The following PLCB4 variants were observed in gnomAD, a reference collection of about 807,000 sequenced individuals.
PLCB4 encodes the protein phospholipase C beta 4.
Under a neutral mutation model 178.8 loss-of-function variants are expected in PLCB4, and 77 were observed. That is an observed-to-expected ratio of 0.43 (90% CI 0.36 to 0.52). The LOEUF (loss-of-function observed/expected upper bound fraction) is 0.52, where lower values mean the gene tolerates loss of function less well. PLCB4 is among the 20% of genes least tolerant of loss of function. The pLI is 0.00. For synonymous variants in PLCB4, 496 were observed against 490.8 expected, an observed-to-expected ratio of 1.01 and a Z score of -0.14; for missense variants, 1,024 against 1,453.4, an observed-to-expected ratio of 0.70 and a Z score of 4.80.
At chr20:9,384,063 C>A in intron 13 of PLCB4, 138 bp from the exon 14 acceptor site, 1 of 656,090 alleles carries the variant, frequency 1.5e-6, no homozygotes, top group Non-Finnish European at 2.7e-6. Flanking sequence ...CAAGTTCTGA[C>A]AGATGAAAGT....
chr20:9,401,703 T>G, intron 20 of PLCB4, 113 bp downstream of exon 20: 1 of 694,072 alleles, frequency 1.4e-6, no homozygotes, highest in South Asian at 1.7e-5. Context: ...CCCTTCTAAA[T>G]TGCTTAGGAT....
intron 25 of PLCB4, among the ~76,000 whole-genome samples, chr20:9,414,696 T>C (rs2040119629): frequency 6.6e-6 from 1 of 152,192 alleles, no homozygotes; most frequent in Non-Finnish European, 1.5e-5. Context: ...GACGCACCAC[T>C]GGGCCCAATA....
chr20:9,082,540 A>G (rs1249535796), intron 1 of PLCB4, among the ~76,000 whole-genome samples: 2 of 152,198 alleles, frequency 1.3e-5, no homozygotes, highest in African/African-American at 4.8e-5. Context: ...TTTGTGTCGA[A>G]AAGTGCTAAG....
chr20:9,348,504 C>T (rs2034029299), intron 7 of PLCB4, among the ~76,000 whole-genome samples: 2 of 151,940 alleles, frequency 1.3e-5, no homozygotes, highest in African/African-American at 2.4e-5. Context: ...GTTGCATGAC[C>T]TGCTATGGGT....
chr20:9,380,823 A>C (rs1367218141), intron 13 of PLCB4, among the ~76,000 whole-genome samples: 2 of 152,196 alleles, frequency 1.3e-5, no homozygotes, highest in Admixed American at 1.3e-4. Flanking sequence ...TACCTGAGCT[A>C]GAGCCTTTGG....
chr20:9,216,350 T>G (rs2093731875), intron 2 of PLCB4, among the ~76,000 whole-genome samples: 1 of 152,082 alleles, frequency 6.6e-6, no homozygotes, highest in Non-Finnish European at 1.5e-5. Context: ...CCCGAGTAGC[T>G]GGGACTACAG....
At chr20:9,195,121 TA>T (rs1453702832) in intron 2 of PLCB4, among the ~76,000 whole-genome samples, 30 of 152,188 alleles carry the variant, frequency 2.0e-4, no homozygotes, top group Non-Finnish European at 3.7e-4. Context: ...TAACAGAAGT[TA>T]AATGAAAAAC....
At chr20:9,456,733 T>C (rs1328027575) in intron 33 of PLCB4, among the ~76,000 whole-genome samples, 4 of 152,218 alleles carry the variant, frequency 2.6e-5, no homozygotes, top group Admixed American at 2.6e-4. Flanking sequence ...TTTAGAGTAA[T>C]GCTTCTCTCA....
intron 3 of PLCB4, among the ~76,000 whole-genome samples, chr20:9,265,975 A>T (rs754528787): frequency 2.6e-5 from 4 of 152,220 alleles, no homozygotes; most frequent in Non-Finnish European, 5.9e-5. Context: ...TTTGAGGAGC[A>T]CGCCTCTAAA....
intron 3 of PLCB4, among the ~76,000 whole-genome samples, chr20:9,292,793 T>C (rs1025066118): frequency 7.2e-5 from 11 of 151,986 alleles, no homozygotes; most frequent in Admixed American, 2.6e-4. Flanking sequence ...AAAGTGTGCA[T>C]TTGGGCTGGG....
At chr20:9,467,967 G>A (rs1476888496) in intron 35 of PLCB4, among the ~76,000 whole-genome samples, 1 of 152,156 alleles carries the variant, frequency 6.6e-6, no homozygotes, top group African/African-American at 2.4e-5. Context: ...TTGGTCACCT[G>A]CAAACCTACT....
At chr20:9,074,610 A>G (rs2089742254) in intron 1 of PLCB4, among the ~76,000 whole-genome samples, 1 of 152,154 alleles carries the variant, frequency 6.6e-6, no homozygotes, top group African/African-American at 2.4e-5. Flanking sequence ...CAGTCACCCC[A>G]CAGGACCACC....
intron 30 of PLCB4, among the ~76,000 whole-genome samples, chr20:9,438,800 T>C (rs1431827844): frequency 6.6e-6 from 1 of 152,196 alleles, no homozygotes; most frequent in Middle Eastern, 3.4e-3. Context: ...GGTGATTGGA[T>C]GATGAAGGTA....
chr20:9,408,047 A>G lies in PLCB4; in HGVS notation c.1778A>G (p.His593Arg). Residue 593 changes from histidine to arginine, a missense_variant, in exon 22 of 40, where the codon CAT becomes CGT. Transcript: ENST00000378473. Reference protein sequence around the residue: ...YAQPVKFQGFHVAEERNIHYN... With the variant: ...YAQPVKFQGFRVAEERNIHYN... Reference sequence around the variant, plus strand: ...CAGCCTGTAAAGTTTCAAGGTTTCCATGTGGCAGAAGGTAACACCAAAGGT... The same window carrying G: ...CAGCCTGTAAAGTTTCAAGGTTTCCGTGTGGCAGAAGGTAACACCAAAGGT... 1 of 1,613,092 alleles carries G rather than the reference A, an allele frequency of 6.2e-7. No homozygotes were observed. Among genetic ancestry groups the G allele is most frequent in the South Asian group, 1.1e-5 (1 of 90,840 alleles).
intron 9 of PLCB4, among the ~76,000 whole-genome samples, chr20:9,370,634 G>A (rs538801732): frequency 5.3e-5 from 8 of 152,210 alleles, no homozygotes; most frequent in Admixed American, 1.3e-4. Flanking sequence ...CAGGCCAGGC[G>A]CTGTGGCTCA....
intron 20 of PLCB4, among the ~76,000 whole-genome samples, chr20:9,403,034 T>A (rs2039156945): frequency 6.6e-6 from 1 of 152,182 alleles, no homozygotes; most frequent in Non-Finnish European, 1.5e-5. Flanking sequence ...CGATAACACC[T>A]ATTTCATGGG....
chr20:9,376,905 C>T (rs1417330956), intron 12 of PLCB4, among the ~76,000 whole-genome samples: 1 of 152,102 alleles, frequency 6.6e-6, no homozygotes, highest in Non-Finnish European at 1.5e-5. Context: ...CATAGGATCA[C>T]ATCAGGGCTC....
chr20:9,473,447 G>A (rs1036345566), intron 38 of PLCB4, 82 bp downstream of exon 38: 2 of 655,750 alleles, frequency 3.0e-6, no homozygotes, highest in African/African-American at 3.8e-5. Context: ...AGTGACCAGT[G>A]GCTTGCATAT....
chr20:9,433,829 A>G (rs2041588625), intron 28 of PLCB4, among the ~76,000 whole-genome samples: 1 of 152,182 alleles, frequency 6.6e-6, no homozygotes, highest in Admixed American at 6.5e-5. Flanking sequence ...TGAGAGGCAA[A>G]GAGTTCTTAG....
Sources: allele counts gnomAD v4.1 joint callset (sites outside exome capture counted in the v4.1 genomes callset), GRCh38; gene constraint gnomAD v4.1.1; transcripts MANE v1.5; gene names NCBI Gene and HGNC (gene_info 2026-07-23, HGNC 2026-07-21).